Variants in VKORC1L1 observed in about 807,000 individuals in gnomAD.
VKORC1L1 encodes vitamin K epoxide reductase complex subunit 1L1, also known as vitamin K epoxide reductase complex subunit 1-like protein 1.
Under a neutral mutation model 18.9 loss-of-function variants are expected in VKORC1L1, and 2 were observed. The observed-to-expected ratio is 0.11, with a 90% CI of 0.04 to 0.33. The LOEUF is 0.33. VKORC1L1 is among the 10% of genes least tolerant of loss of function. The probability of loss-of-function intolerance (pLI) is 1.00; values close to 1 mark genes in which losing one functional copy is unlikely to be tolerated. For synonymous variants in VKORC1L1, 96 were observed against 100.0 expected (o/e 0.96, Z 0.24); for missense variants, 123 against 224.1 (o/e 0.55, Z 2.88).
intron 1 of VKORC1L1, among the ~76,000 whole-genome samples, chr7:65,919,671 G>A (rs1789643607): frequency 6.6e-6 from 1 of 152,130 alleles, no homozygotes; most frequent in South Asian, 2.1e-4. Flanking sequence ...GCTCTCTGCT[G>A]GGATCATTGC....
chr7:65,954,129 G>C lies in VKORC1L1; in HGVS notation c.360G>C (p.Ser120=). 1 of 1,609,432 alleles carries C rather than the reference G, an allele frequency of 6.2e-7. No individual in the cohort carries two copies. The part of the protein sequence containing the change: ...ALILMTSSIM[S]VVGSLYLAYI... ...TCCTCATGACGTCCTCCATCATGTC[G>C]GTCGTGGGGTCCCTGTACCTGGCCT... The change falls in exon 3 of 3, where the codon TCG becomes TCC. Residue 120 remains serine, a synonymous_variant. Transcript: ENST00000360768.
At chr7:65,894,995 A>G (rs1207990755) in intron 1 of VKORC1L1, among the ~76,000 whole-genome samples, 1 of 152,192 alleles carries the variant, frequency 6.6e-6, no homozygotes, top group Non-Finnish European at 1.5e-5. Flanking sequence ...GCTAAAACAT[A>G]TTTTGTTCTT....
At chr7:65,907,600 CG>C (rs2115560464) in intron 1 of VKORC1L1, among the ~76,000 whole-genome samples, 1 of 152,296 alleles carries the variant, frequency 6.6e-6, no homozygotes, top group Non-Finnish European at 1.5e-5. Flanking sequence ...CTAGGCCTCC[CG>C]CTGTTCAGTT....
intron 1 of VKORC1L1, among the ~76,000 whole-genome samples, chr7:65,912,194 A>G (rs1789513290): frequency 1.3e-5 from 2 of 152,222 alleles, no homozygotes; most frequent in Non-Finnish European, 2.9e-5. Context: ...AAGCTTGACA[A>G]TGCATTCATT....
At chr7:65,886,475 G>T (rs191243705) in intron 1 of VKORC1L1, among the ~76,000 whole-genome samples, 1 of 151,992 alleles carries the variant, frequency 6.6e-6, no homozygotes, top group Non-Finnish European at 1.5e-5. Context: ...TGAAAATGTC[G>T]TACAATATTG....
intron 1 of VKORC1L1, among the ~76,000 whole-genome samples, chr7:65,925,832 G>A (rs1789753657): frequency 6.6e-6 from 1 of 152,090 alleles, no homozygotes; most frequent in South Asian, 2.1e-4. Flanking sequence ...ACAAGAAATT[G>A]TATAAAACCA....
At chr7:65,948,932 G>T (rs1000847623) in intron 2 of VKORC1L1, 152 bp downstream of exon 2, 3 of 963,824 alleles carry the variant, frequency 3.1e-6, no homozygotes, top group East Asian at 2.8e-5. Context: ...GATTCACTGA[G>T]ATTTTTATTA....
At position 65,934,857 on chromosome 7, in the gene VKORC1L1, A is replaced by C. The variant is rs187580007; in HGVS notation, c.195-13814A>C. Among the ~76,000 whole-genome samples the C allele has an allele frequency of 2.9e-3, 446 of 152,232 alleles. 1 individual carries two copies. The highest frequency in any genetic ancestry group is 4.9e-3 in the Non-Finnish European group (332 of 68,008). Reference sequence around the variant, plus strand: ...ATCACGAGGTCAGGAGTTCGAGACCAGCCTTGCCAACATAGTGAAACCCCG... The same window carrying C: ...ATCACGAGGTCAGGAGTTCGAGACCCGCCTTGCCAACATAGTGAAACCCCG... On this transcript the variant is annotated intron_variant, in intron 1 of 2. Transcript: ENST00000360768.
At chr7:65,870,218 G>A (rs1353373077), upstream of VKORC1L1, among the ~76,000 whole-genome samples, 12 of 148,078 alleles carry the variant, frequency 8.1e-5, no homozygotes, top group African/African-American at 3.0e-4. Flanking sequence ...TCAGGAGTTC[G>A]AGACCAGCCT....
chr7:65,905,018 T>C (rs1789382341), intron 1 of VKORC1L1, among the ~76,000 whole-genome samples: 1 of 152,220 alleles, frequency 6.6e-6, no homozygotes, highest in Admixed American at 6.5e-5. Context: ...TGTATGTATA[T>C]GTATATGTAT....
At chr7:65,932,410 AT>A (rs1789873041) in intron 1 of VKORC1L1, among the ~76,000 whole-genome samples, 1 of 152,050 alleles carries the variant, frequency 6.6e-6, no homozygotes. Flanking sequence ...TCTTTTTGTC[AT>A]TTTTTAAGGT....
intron 2 of VKORC1L1, among the ~76,000 whole-genome samples, chr7:65,949,787 A>G (rs1004582678): frequency 1.3e-5 from 2 of 152,286 alleles, no homozygotes; most frequent in Admixed American, 1.3e-4. Flanking sequence ...CTGTCTCAAA[A>G]ACTAATAATT....
intron 1 of VKORC1L1, among the ~76,000 whole-genome samples, chr7:65,910,575 G>A (rs578198987): frequency 1.3e-5 from 2 of 152,276 alleles, no homozygotes; most frequent in African/African-American, 4.8e-5. Context: ...GTAAAACTGA[G>A]AAAAAGAGTT....
At chr7:65,929,682 G>GATATATATATATA (rs1554300821) in intron 1 of VKORC1L1, among the ~76,000 whole-genome samples, 1 of 128,612 alleles carries the variant, frequency 7.8e-6, no homozygotes, top group Admixed American at 8.4e-5. Flanking sequence ...GTGTGTGTGT[G>GATATATATATATA]TATATATATA....
chr7:65,911,239 T>G (rs1789497133), intron 1 of VKORC1L1, among the ~76,000 whole-genome samples: 1 of 152,238 alleles, frequency 6.6e-6, no homozygotes, highest in Non-Finnish European at 1.5e-5. Context: ...TATGTAAATT[T>G]GGTTAAAAAG....
intron 1 of VKORC1L1, among the ~76,000 whole-genome samples, chr7:65,884,573 G>T (rs927022272): frequency 1.3e-5 from 2 of 152,174 alleles, no homozygotes; most frequent in African/African-American, 2.4e-5. Context: ...GGAGGCAGAA[G>T]TTGCAGTGAG....
intron 1 of VKORC1L1, among the ~76,000 whole-genome samples, chr7:65,895,516 T>TATATATATATATACAC (rs370356956): frequency 2.8e-5 from 2 of 71,598 alleles, no homozygotes; most frequent in East Asian, 5.5e-4. Flanking sequence ...TATATATATA[T>TATATATATATATACAC]ACACACACAC....
At chr7:65,886,728 G>A (rs532345255) in intron 1 of VKORC1L1, among the ~76,000 whole-genome samples, 8 of 151,340 alleles carry the variant, frequency 5.3e-5, no homozygotes, top group East Asian at 1.9e-4. Context: ...TAGTAGAGAC[G>A]GGGTTTCACC....
rs535627016 is a variant in VKORC1L1, at chr7:65,958,113, ATTTCAGACACCTCAGGCAGCACT to A, written c.*3815_*3837del. 52 of 152,334 alleles carry A rather than the reference ATTTCAGACACCTCAGGCAGCACT, an allele frequency of 3.4e-4. No individual in the cohort carries two copies. The East Asian group carries it at 9.7e-3, about 28-fold the overall frequency. The allele number at this position is 152,334 out of a possible 1,614,324, so 9.4% of individuals were successfully genotyped here. A position where few individuals can be genotyped will look rare whatever the true frequency, so the allele number is the denominator to read the frequency against. The stretch of plus-strand genomic sequence containing the variant: ...TCTAACACACAGTCATGGGTGAAAC[ATTTCAGACACCTCAGGCAGCACT>A]TATGGTTTCTAATTGTGAGAACTAC... On this transcript the variant is annotated 3_prime_UTR_variant, in exon 3 of 3. Coordinates refer to ENST00000360768, the MANE Select transcript of VKORC1L1 (RefSeq NM_173517.6).
Sources: gnomAD v4.1 joint callset for allele counts (sites outside exome capture counted in the v4.1 genomes callset) on GRCh38, gnomAD v4.1.1 for gene constraint, MANE v1.5 for transcripts, NCBI Gene and HGNC (gene_info 2026-07-23, HGNC 2026-07-21) for gene names.